Variants in ZBTB8B observed in about 807,000 individuals in gnomAD.
ZBTB8B encodes zinc finger and BTB domain-containing protein 8B.
Under a neutral mutation model 30.3 loss-of-function variants are expected in ZBTB8B, and 17 were observed. The ratio of observed to expected loss-of-function variants is 0.56; its 90% CI spans 0.38 to 0.84. The LOEUF (loss-of-function observed/expected upper bound fraction) is 0.84, where lower values mean the gene tolerates loss of function less well. ZBTB8B is among the 40% of genes least tolerant of loss of function. ZBTB8B has a pLI of 0.00. For synonymous variants in ZBTB8B, 248 were observed against 255.6 expected (o/e 0.97, Z 0.28); for missense variants, 515 against 644.9 (o/e 0.80, Z 2.18).
chr1:32,478,301 C>A (rs1643679031), intron 2 of ZBTB8B, among the ~76,000 whole-genome samples: 1 of 151,998 alleles, frequency 6.6e-6, no homozygotes, highest in Non-Finnish European at 1.5e-5. Flanking sequence ...CACTTGAGGT[C>A]AGGAGTTCAA....
At position 32,483,244 on chromosome 1, in the gene ZBTB8B, C is replaced by CAAAAAAA. The variant is rs59559091; in HGVS notation, c.1171-1832_1171-1826dup. On this transcript the variant is annotated intron_variant, in intron 3 of 3. Transcript: ENST00000609129. ...CGAAACCCCTTATCTACTAAAAATCCAAAAAAAAAAAAAAAAAAAAAAAAA... is the reference window on the plus strand; with the variant it reads ...CGAAACCCCTTATCTACTAAAAATCCAAAAAAAAAAAAAAAAAAAAAAAAAAAAAAAA... Among the ~76,000 whole-genome samples, 55 of 56,368 alleles carry CAAAAAAA rather than the reference C, an allele frequency of 9.8e-4. 9 individuals carry two copies. The highest frequency in any genetic ancestry group is 1.4e-3 in the East Asian group (2 of 1,396). The allele number at this position is 56,368 out of a possible 152,430, so 37.0% of individuals were successfully genotyped here.
At chr1:32,467,418 A>T (rs566281827) in intron 1 of ZBTB8B, among the ~76,000 whole-genome samples, 14 of 151,538 alleles carry the variant, frequency 9.2e-5, no homozygotes, top group Non-Finnish European at 1.6e-4. Context: ...TGCCCAGCTA[A>T]TTTTTTTGTA....
chr1:32,482,435 G>A lies in ZBTB8B; in HGVS notation c.1170+1366G>A, dbSNP rs571941896. Among the ~76,000 whole-genome samples the A allele has an allele frequency of 4.0e-4, 61 of 152,116 alleles. 1 individual carries two copies. The highest frequency in any genetic ancestry group is 3.4e-3 in the Middle Eastern group (1 of 294). ...CACCTGTAATCCCAGCACTTTGGGA[G>A]GCTGAGGTGGGCAGATCACAAGATC... is the stretch of plus-strand genomic sequence containing the variant. On this transcript the variant is annotated intron_variant, in intron 3 of 3. Transcript: ENST00000609129.
intron 2 of ZBTB8B, among the ~76,000 whole-genome samples, chr1:32,473,773 A>G (rs1036956750): frequency 2.6e-5 from 4 of 151,970 alleles, no homozygotes; most frequent in African/African-American, 9.7e-5. Flanking sequence ...CTCTCACCTC[A>G]GCCTCTCAAA....
At chr1:32,468,010 G>A (rs1224570648) in intron 1 of ZBTB8B, among the ~76,000 whole-genome samples, 2 of 151,986 alleles carry the variant, frequency 1.3e-5, no homozygotes, top group African/African-American at 4.8e-5. Flanking sequence ...CAGCTACTCG[G>A]GAGGCTGAGG....
rs780603739 is a variant in ZBTB8B, at chr1:32,480,912, T to G, written c.1013T>G (p.Ile338Ser). ...EDSGDVLVVP[I>S]KLHKCPFCPY... The stretch of plus-strand genomic sequence containing the variant: ...CCAGGTGATGTGCTGGTGGTCCCCA[T>G]CAAGCTCCACAAGTGTCCTTTCTGC... The change falls in exon 3 of 4, where the codon ATC becomes AGC. Residue 338 changes from isoleucine to serine, a missense_variant. Coordinates refer to ENST00000609129, the MANE Select transcript of ZBTB8B (RefSeq NM_001145720.2). 1.9e-6 allele frequency: 3 copies of G among 1,551,614 alleles called. No homozygotes were observed. Among genetic ancestry groups the G allele is most frequent in the Middle Eastern group, 3.3e-4 (2 of 6,016 alleles).
In ZBTB8B at chr1:32,494,752, A is replaced by G. The variant is rs1643804623; in HGVS notation, c.*9334A>G. The G allele has an allele frequency of 6.6e-6, 1 of 152,126 alleles. No homozygotes were observed. Among genetic ancestry groups the G allele is most frequent in the Non-Finnish European group, 1.5e-5 (1 of 68,024 alleles). 9.4% of individuals were successfully genotyped at this position (152,126 alleles called of 1,614,324 possible). ...TATAAAAAATTTCAAAAGTAAAAAT[A>G]TATATATTATTAACTTGAAGTGATT... On this transcript the variant is annotated 3_prime_UTR_variant, in exon 4 of 4. Coordinates refer to ENST00000609129, the MANE Select transcript of ZBTB8B (RefSeq NM_001145720.2).
At chr1:32,476,614 C>T (rs1157527700) in intron 2 of ZBTB8B, among the ~76,000 whole-genome samples, 8 of 151,982 alleles carry the variant, frequency 5.3e-5, no homozygotes, top group Admixed American at 1.3e-4. Context: ...AGTTTGACCA[C>T]GTACCTTCCT....
At chr1:32,471,794 A>G (rs1009945688) in intron 2 of ZBTB8B, among the ~76,000 whole-genome samples, 179 bp downstream of exon 2, 35 of 152,082 alleles carry the variant, frequency 2.3e-4, no homozygotes, top group African/African-American at 8.2e-4. Context: ...CATCATTACC[A>G]TCATCACTAC....
Position 32,483,242 on chromosome 1 carries a change from TCCAAAAA to T in ZBTB8B, c.1171-1858_1171-1852del, listed in dbSNP as rs1332135229. Among the ~76,000 whole-genome samples the T allele has an allele frequency of 1.4e-3, 47 of 33,098 alleles. 1 individual carries two copies. The highest frequency in any genetic ancestry group is 0.011 in the South Asian group (9 of 846). 21.7% of individuals were successfully genotyped at this position (33,098 alleles called of 152,430 possible). ...GGCGAAACCCCTTATCTACTAAAAA[TCCAAAAA>T]AAAAAAAAAAAAAAAAAAAAAAAAA... On this transcript the variant is annotated intron_variant, in intron 3 of 3. Transcript: ENST00000609129.
chr1:32,481,447 C>A (rs1643703717), intron 3 of ZBTB8B, among the ~76,000 whole-genome samples: 1 of 151,930 alleles, frequency 6.6e-6, no homozygotes. Context: ...AGCCCCAGCA[C>A]CTAGGGGTAA....
Position 32,485,500 on chromosome 1 carries a change from G to T in ZBTB8B, c.*82G>T. 7.3e-7 allele frequency: 1 copy of T among 1,378,326 alleles called. No homozygotes were observed. The highest frequency in any genetic ancestry group is 9.9e-7 in the Non-Finnish European group (1 of 1,013,548). 85.4% of individuals were successfully genotyped at this position (1,378,326 alleles called of 1,614,324 possible). A position where few individuals can be genotyped will look rare whatever the true frequency, so the allele number is the denominator to read the frequency against. ...TGAAAGATACCATTTGTCCAATTTT[G>T]TGGAACCCTGAGAGGAACATTTTTT... On this transcript the variant is annotated 3_prime_UTR_variant, in exon 4 of 4. Coordinates refer to ENST00000609129, the MANE Select transcript of ZBTB8B (RefSeq NM_001145720.2).
At chr1:32,478,744 G>T (rs546195453) in intron 2 of ZBTB8B, among the ~76,000 whole-genome samples, 1 of 152,094 alleles carries the variant, frequency 6.6e-6, no homozygotes, top group African/African-American at 2.4e-5. Context: ...AAGGATGTTG[G>T]ACTTTCACAT....
chr1:32,470,527 GAAATC>G, intron 1 of ZBTB8B, 52 bp from the exon 2 acceptor site: 2 of 345,268 alleles, frequency 5.8e-6, no homozygotes, highest in Non-Finnish European at 8.7e-6. Flanking sequence ...AAAAAAAAAA[GAAATC>G]TTGTTTGTAA....
At chr1:32,482,398 C>T (rs1570261757) in intron 3 of ZBTB8B, among the ~76,000 whole-genome samples, 1 of 151,826 alleles carries the variant, frequency 6.6e-6, no homozygotes, top group Non-Finnish European at 1.5e-5. Flanking sequence ...ACTGGCCGGG[C>T]GCAGGGGCTC....
chr1:32,471,059 TGCAGCGGCGGCA>T lies in ZBTB8B; in HGVS notation c.447_458del (p.Ala150_Ala153del), dbSNP rs1387459530. 35 of 1,544,462 alleles carry T rather than the reference TGCAGCGGCGGCA, an allele frequency of 2.3e-5. 1 individual carries two copies. Among genetic ancestry groups the T allele is most frequent in the South Asian group, 1.1e-4 (9 of 83,942 alleles). ...CAGTGGCGGCGGCAGCGGCGGCGGC[TGCAGCGGCGGCA>T]GCAGCGGCGGCTCATCAGGTTGACA... On this transcript the variant is annotated inframe_deletion, in exon 2 of 4. Coordinates refer to ENST00000609129, the MANE Select transcript of ZBTB8B (RefSeq NM_001145720.2).
At position 32,484,151 on chromosome 1, in the gene ZBTB8B, T is replaced by G. The variant is rs1184493168; in HGVS notation, c.1171-950T>G. On this transcript the variant is annotated intron_variant, in intron 3 of 3. Transcript: ENST00000609129. This position sits in a 1 kb window ranked among gnomAD's most constrained non-coding sequence, Gnocchi z 4.5. ...TGAGCCCAGGAGTTCAGGGCTTTAG[T>G]AAGCTATTATCATGTCACTGCACTC... Among the ~76,000 whole-genome samples the G allele has an allele frequency of 6.6e-6, 1 of 150,878 alleles. No homozygotes were observed. Among genetic ancestry groups the G allele is most frequent in the Non-Finnish European group, 1.5e-5 (1 of 67,874 alleles).
chr1:32,475,710 G>A (rs1643660120), intron 2 of ZBTB8B, among the ~76,000 whole-genome samples: 2 of 152,142 alleles, frequency 1.3e-5, no homozygotes, highest in African/African-American at 4.8e-5. Context: ...TTCCTACTGG[G>A]AGATCAGGGA....
chr1:32,478,053 G>A (rs987193466), intron 2 of ZBTB8B, among the ~76,000 whole-genome samples: 32 of 148,200 alleles, frequency 2.2e-4, no homozygotes, highest in African/African-American at 7.0e-4. Context: ...GCAAAACTCC[G>A]TCTCAAAAAA....
Sources: allele counts gnomAD v4.1 joint callset (sites outside exome capture counted in the v4.1 genomes callset), GRCh38; gene constraint gnomAD v4.1.1; non-coding constraint Gnocchi (gnomAD v3.1); transcripts MANE v1.5; gene names NCBI Gene and HGNC (gene_info 2026-07-23, HGNC 2026-07-21).